WDFY4: variants seen among roughly 807,000 people sequenced by gnomAD.
The protein encoded by WDFY4 is WDFY family member 4.
WDFY4 carries 169 observed loss-of-function variants against 351.9 expected under a neutral mutation model. That is an observed-to-expected ratio of 0.48 (90% CI 0.42 to 0.55). The LOEUF is 0.55. WDFY4 is among the 20% of genes least tolerant of loss of function. The pLI is 0.00. For missense variants in WDFY4, 3,803 were observed against 3,935.6 expected, an observed-to-expected ratio of 0.97 and a Z score of 0.90; for synonymous variants, 1,622 against 1,574.6, an observed-to-expected ratio of 1.03 and a Z score of -0.71.
At chr10:48,836,206 A>C (rs577825056) in intron 39 of WDFY4, among the ~76,000 whole-genome samples, 2 of 152,304 alleles carry the variant, frequency 1.3e-5, no homozygotes, top group South Asian at 4.1e-4. Context: ...AGCTGATTAC[A>C]CCTCAGTGAG....
At chr10:48,835,277 CGA>C (rs1380624914) in intron 39 of WDFY4, among the ~76,000 whole-genome samples, 2 of 151,896 alleles carry the variant, frequency 1.3e-5, no homozygotes, top group Non-Finnish European at 2.9e-5. Flanking sequence ...GGGAGGGGGG[CGA>C]GAGAGGGGCT....
intron 1 of WDFY4, among the ~76,000 whole-genome samples, chr10:48,689,740 GA>G (rs1370182877): frequency 1.3e-5 from 2 of 152,174 alleles, no homozygotes; most frequent in Admixed American, 1.3e-4. Flanking sequence ...TAGGAGAAGT[GA>G]AAAGCCACTT....
chr10:48,772,323 T>A (rs2065889493), intron 13 of WDFY4, among the ~76,000 whole-genome samples: 1 of 151,894 alleles, frequency 6.6e-6, no homozygotes, highest in Non-Finnish European at 1.5e-5. Context: ...GCCTGGAGTA[T>A]GTGTGTGTGT....
chr10:48,982,281 C>T (rs138277056), intron 61 of WDFY4, among the ~76,000 whole-genome samples: 110 of 151,754 alleles, frequency 7.2e-4, no homozygotes, highest in African/African-American at 2.3e-3. Context: ...CCTGAGCTTC[C>T]CCACAGTGCT....
chr10:48,688,588 G>T (rs2063115225), intron 1 of WDFY4, among the ~76,000 whole-genome samples: 1 of 152,098 alleles, frequency 6.6e-6, no homozygotes, highest in Non-Finnish European at 1.5e-5. Context: ...TTTTTGGACT[G>T]TTGCTATTTG....
chr10:48,787,893 C>CCTTCTTCTTCTTCTTCTT (rs1182060101), intron 20 of WDFY4, among the ~76,000 whole-genome samples: 3 of 48,110 alleles, frequency 6.2e-5, no homozygotes, highest in Non-Finnish European at 1.1e-4. Flanking sequence ...TTCTTCTTCT[C>CCTTCTTCTTCTTCTTCTT]CTTCTTCTTC....
intron 12 of WDFY4, among the ~76,000 whole-genome samples, chr10:48,744,070 G>A (rs1177836133): frequency 6.6e-6 from 1 of 152,126 alleles, no homozygotes; most frequent in Non-Finnish European, 1.5e-5. Flanking sequence ...TACTTCCGCA[G>A]GCCAAACACC....
At chr10:48,948,516 C>A (rs1463571560) in intron 51 of WDFY4, among the ~76,000 whole-genome samples, 2 of 152,176 alleles carry the variant, frequency 1.3e-5, no homozygotes, top group African/African-American at 4.8e-5. Flanking sequence ...TAACCCAAAA[C>A]CCCAGCTCTA....
chr10:48,758,670 T>C (rs1014646141), intron 12 of WDFY4, among the ~76,000 whole-genome samples: 1 of 152,224 alleles, frequency 6.6e-6, no homozygotes, highest in African/African-American at 2.4e-5. Flanking sequence ...TCATGGACTC[T>C]CCTCTCATCT....
At chr10:48,901,258 C>A (rs984368428) in intron 46 of WDFY4, among the ~76,000 whole-genome samples, 1 of 152,246 alleles carries the variant, frequency 6.6e-6, no homozygotes, top group Non-Finnish European at 1.5e-5. Context: ...TATTCAAGGC[C>A]TAGTTTAGAC....
chr10:48,832,852 C>A, intron 39 of WDFY4, 143 bp downstream of exon 39: 2 of 1,133,210 alleles, frequency 1.8e-6, no homozygotes, highest in African/African-American at 3.2e-5. Context: ...ATGTAGCTCC[C>A]CAGTGGAGGC....
intron 15 of WDFY4, 80 bp downstream of exon 15, chr10:48,775,886 C>T: frequency 7.6e-7 from 1 of 1,321,348 alleles, no homozygotes; most frequent in Non-Finnish European, 1.1e-6. Context: ...TCCTTTACAA[C>T]AGGTGGGAAA....
chr10:48,858,511 A>C (rs1200801918), intron 39 of WDFY4, among the ~76,000 whole-genome samples: 1 of 152,212 alleles, frequency 6.6e-6, no homozygotes, highest in Non-Finnish European at 1.5e-5. Context: ...TTAGTTGGGC[A>C]TTCATGTGTG....
Position 48,814,050 on chromosome 10 carries a change from C to A in WDFY4, c.5308C>A (p.Leu1770Ile), listed in dbSNP as rs1030274650. The change falls in exon 31 of 62, where the codon CTC (leucine) becomes ATC (isoleucine). Residue 1770 changes from leucine (L) to isoleucine (I), a missense_variant. This residue lies in a region of WDFY4 where 3,054 missense variants were observed against 3,148.6 expected (regional missense o/e 0.97). Transcript: ENST00000325239. The part of the protein sequence containing the change: ...AGLCTEGALL[L>I]LEMLKATMSQ... Reference sequence around the variant, plus strand: ...GCTGTGCACAGAAGGTGCCTTGCTCCTCCTGGAAATGCTGAAGGCCACCAT... The same window carrying A: ...GCTGTGCACAGAAGGTGCCTTGCTCATCCTGGAAATGCTGAAGGCCACCAT... The A allele has an allele frequency of 1.3e-6, 2 of 1,549,926 alleles. No homozygotes were observed. The highest frequency in any genetic ancestry group is 2.7e-5 in the African/African-American group (2 of 73,024).
chr10:48,910,232 C>A (rs1263050597), intron 47 of WDFY4: 1 of 1,612,444 alleles, frequency 6.2e-7, no homozygotes, highest in Non-Finnish European at 8.5e-7. Context: ...TTTGCCACAG[C>A]TACTCTAGGA....
chr10:48,779,042 C>T (rs543130123), intron 18 of WDFY4, among the ~76,000 whole-genome samples: 1 of 152,324 alleles, frequency 6.6e-6, no homozygotes, highest in African/African-American at 2.4e-5. Context: ...TTGTAAGTGT[C>T]AGGCAGATGA....
In WDFY4 at chr10:48,966,178, G is replaced by A. The variant is rs1028404334; in HGVS notation, c.8437-348G>A. The stretch of plus-strand genomic sequence containing the variant: ...AATAAAGGGAGCCACGTTATCTAGG[G>A]AACGAAGAGGGTCACTCCAGCCTCA... On this transcript the variant is annotated intron_variant, in intron 54 of 61. Transcript: ENST00000325239. Among the ~76,000 whole-genome samples, 9 of 152,168 alleles carry A rather than the reference G, an allele frequency of 5.9e-5. No homozygotes were observed. In the East Asian group the frequency reaches 9.6e-4, roughly 16 times the overall value.
intron 57 of WDFY4, 118 bp from the exon 58 acceptor site, chr10:48,974,744 G>A: frequency 9.3e-7 from 1 of 1,071,642 alleles, no homozygotes; most frequent in South Asian, 1.7e-5. Flanking sequence ...GGGAATCACT[G>A]ACTCACTCAG....
At chr10:48,833,172 T>TGTGTGAGAGA (rs372781295) in intron 39 of WDFY4, among the ~76,000 whole-genome samples, 2 of 135,818 alleles carry the variant, frequency 1.5e-5, no homozygotes, top group African/African-American at 2.8e-5. Context: ...TGTGTGTGTG[T>TGTGTGAGAGA]GAGAGAGAGA....
Sources: allele counts gnomAD v4.1 joint callset (sites outside exome capture counted in the v4.1 genomes callset), GRCh38; gene constraint gnomAD v4.1.1; regional missense constraint gnomAD v4.1.1; transcripts MANE v1.5; gene names NCBI Gene and HGNC (gene_info 2026-07-23, HGNC 2026-07-21).